The following PLXNA4 variants were observed in gnomAD, a reference collection of about 807,000 sequenced individuals.
PLXNA4 encodes the protein plexin-A4.
In PLXNA4, 44 loss-of-function variants were observed where a neutral mutation model predicts 191.8. The observed-to-expected ratio is 0.23, with a 90% CI of 0.18 to 0.29. The LOEUF is 0.29. Ranked by LOEUF, PLXNA4 falls within the 10% of genes least tolerant of loss-of-function variation. The probability of loss-of-function intolerance (pLI) is 1.00; values close to 1 mark genes in which losing one functional copy is unlikely to be tolerated. For synonymous variants in PLXNA4, 1,082 were observed against 1,009.5 expected, an observed-to-expected ratio of 1.07 and a Z score of -1.36; for missense variants, 1,800 against 2,488.8, an observed-to-expected ratio of 0.72 and a Z score of 5.89.
At chr7:132,317,586 C>G (rs1237087370) in intron 3 of PLXNA4, among the ~76,000 whole-genome samples, 1 of 152,142 alleles carries the variant, frequency 6.6e-6, no homozygotes, top group East Asian at 1.9e-4. Context: ...AATTGGTTGA[C>G]TTGAGTTGGA....
chr7:132,515,302 C>T (rs1422374959), intron 1 of PLXNA4, among the ~76,000 whole-genome samples: 2 of 152,198 alleles, frequency 1.3e-5, no homozygotes, highest in East Asian at 3.9e-4. Flanking sequence ...GGGTCCCAGG[C>T]CTGGCGACAT....
At chr7:132,540,565 C>T (rs1358969319) in intron 1 of PLXNA4, among the ~76,000 whole-genome samples, 3 of 69,562 alleles carry the variant, frequency 4.3e-5, no homozygotes, top group African/African-American at 8.3e-5. Flanking sequence ...TAGTGTGGAC[C>T]GTTCTTTTTT....
chr7:132,519,197 C>T (rs1032260293), intron 1 of PLXNA4, among the ~76,000 whole-genome samples: 2 of 152,226 alleles, frequency 1.3e-5, no homozygotes, highest in African/African-American at 2.4e-5. Flanking sequence ...GAGTCAGATG[C>T]CCCAGCTGGA....
intron 2 of PLXNA4, among the ~76,000 whole-genome samples, chr7:132,601,683 C>T (rs1441955344): frequency 3.3e-5 from 5 of 152,166 alleles, no homozygotes; most frequent in Non-Finnish European, 7.3e-5. Flanking sequence ...AGCTTTTGAA[C>T]TTCTTTATGA....
chr7:132,186,758 C>T (rs955142994), intron 15 of PLXNA4, among the ~76,000 whole-genome samples: 3 of 152,198 alleles, frequency 2.0e-5, no homozygotes, highest in African/African-American at 7.2e-5. Context: ...ACCAAGCTAA[C>T]TATAGGAGGA....
chr7:132,131,497 A>AG (rs1794925580), intron 31 of PLXNA4, among the ~76,000 whole-genome samples: 2 of 152,020 alleles, frequency 1.3e-5, no homozygotes, highest in Admixed American at 1.3e-4. Context: ...TTTGAGGGGC[A>AG]GGGAAAAGAA....
In PLXNA4 at chr7:132,181,744, G is replaced by A. The variant is rs1796714708; in HGVS notation, c.3253-124C>T. 2.7e-6 allele frequency: 4 copies of A among 1,464,562 alleles called. No individual in the cohort carries two copies. The East Asian group carries it at 9.8e-5, about 36-fold the overall frequency. 90.7% of individuals were successfully genotyped at this position (1,464,562 alleles called of 1,614,324 possible). A position where few individuals can be genotyped will look rare whatever the true frequency, so the allele number is the denominator to read the frequency against. ...AGGGGTTGACAAGAGGATTAGAGAT[G>A]AGTCAGGGCCACACAATTGGGCACT... On this transcript the variant is annotated intron_variant, in intron 17 of 31. Transcript: ENST00000321063.
At chr7:132,219,844 T>C (rs1798086803) in intron 9 of PLXNA4, among the ~76,000 whole-genome samples, 1 of 152,194 alleles carries the variant, frequency 6.6e-6, no homozygotes, top group Non-Finnish European at 1.5e-5. Context: ...ATACTTCCCA[T>C]CGTGTTATAA....
chr7:132,438,784 G>C (rs917527477), intron 3 of PLXNA4, among the ~76,000 whole-genome samples: 1 of 151,988 alleles, frequency 6.6e-6, no homozygotes, highest in African/African-American at 2.4e-5. Flanking sequence ...TTCTGTTCTT[G>C]GTCTAATAGC....
intron 3 of PLXNA4, chr7:132,485,026 AG>A (rs780360495): frequency 1.9e-6 from 3 of 1,609,232 alleles, no homozygotes; most frequent in Non-Finnish European, 2.5e-6. Context: ...AGGGAACAAA[AG>A]CAAATTAATT....
chr7:132,297,719 G>C (rs535993358), intron 4 of PLXNA4, among the ~76,000 whole-genome samples: 31 of 152,150 alleles, frequency 2.0e-4, no homozygotes, highest in Non-Finnish European at 4.1e-4. Context: ...CAGGCTTCTG[G>C]GGGCCAGGAA....
At chr7:132,257,898 C>T (rs1000985505) in intron 4 of PLXNA4, among the ~76,000 whole-genome samples, 2 of 152,226 alleles carry the variant, frequency 1.3e-5, no homozygotes, top group Non-Finnish European at 2.9e-5. Flanking sequence ...GCTTTCTGTG[C>T]CATTCACCCT....
intron 3 of PLXNA4, among the ~76,000 whole-genome samples, chr7:132,375,619 G>A (rs1035568248): frequency 1.3e-5 from 2 of 152,206 alleles, no homozygotes; most frequent in Admixed American, 6.5e-5. Flanking sequence ...AGAGGACCCA[G>A]TAGCAGTCCA....
Position 132,507,738 on chromosome 7 carries a change from C to T in PLXNA4, c.956G>A (p.Gly319Glu). Residue 319 changes from glycine (G) to glutamate (E), a missense_variant, in exon 2 of 32, where the codon GGG becomes GAG. Physicochemically the swap from Gly to Glu is moderately conservative, Grantham distance 98. Transcript: ENST00000321063. ...LLQAAYLSKA[G>E]AVLGRTLGVH... ...TCCAAGGGTCCTGCCAAGCACGGCC[C>T]CCGCTTTGGACAGGTAGGCAGCCTG... The T allele has an allele frequency of 4.3e-6, 7 of 1,614,178 alleles. No individual in the cohort carries two copies. The highest frequency in any genetic ancestry group is 5.9e-6 in the Non-Finnish European group (7 of 1,180,044).
chr7:132,538,183 C>T (rs1799927033), intron 1 of PLXNA4, among the ~76,000 whole-genome samples: 2 of 152,312 alleles, frequency 1.3e-5, no homozygotes, highest in South Asian at 4.1e-4. Context: ...CCACGAGCAC[C>T]TGCACCACCT....
At chr7:132,289,976 G>A (rs973593467) in intron 4 of PLXNA4, among the ~76,000 whole-genome samples, 3 of 152,218 alleles carry the variant, frequency 2.0e-5, no homozygotes, top group Non-Finnish European at 2.9e-5. Flanking sequence ...GGTTTACGCT[G>A]GAAGGAGCCA....
At chr7:132,333,706 G>A (rs1163599804) in intron 3 of PLXNA4, among the ~76,000 whole-genome samples, 2 of 152,198 alleles carry the variant, frequency 1.3e-5, no homozygotes, top group African/African-American at 4.8e-5. Flanking sequence ...CCAAGAGACA[G>A]TCCTGAGAAA....
chr7:132,387,517 A>T (rs923936513), intron 3 of PLXNA4, among the ~76,000 whole-genome samples: 12 of 152,192 alleles, frequency 7.9e-5, no homozygotes. Context: ...ATGAAGAAGA[A>T]AAGCTGAGAA....
intron 2 of PLXNA4, 26 bp from the exon 3 acceptor site, chr7:132,489,500 T>C (rs1235098076): frequency 6.6e-7 from 1 of 1,517,846 alleles, no homozygotes; most frequent in South Asian, 1.3e-5. Flanking sequence ...AGAGAAAAAT[T>C]AGAAGGGAGC....
Sources: gnomAD v4.1 joint callset for allele counts (sites outside exome capture counted in the v4.1 genomes callset) on GRCh38, gnomAD v4.1.1 for gene constraint, MANE v1.5 for transcripts, NCBI Gene and HGNC (gene_info 2026-07-23, HGNC 2026-07-21) for gene names.